Variants in UNC13C observed in about 807,000 individuals in gnomAD.
UNC13C encodes the protein protein unc-13 homolog C.
UNC13C carries 174 observed loss-of-function variants against 245.4 expected under a neutral mutation model. That is an observed-to-expected ratio of 0.71 (90% CI 0.63 to 0.80). The LOEUF is 0.80. Among genes scored for constraint, UNC13C ranks in the 30% least tolerant of loss-of-function variants. The probability of loss-of-function intolerance (pLI) is 0.00; values close to 1 mark genes in which losing one functional copy is unlikely to be tolerated. For missense variants in UNC13C, 2,829 were observed against 2,602.9 expected (o/e 1.09, Z -1.89); for synonymous variants, 992 against 895.1 (o/e 1.11, Z -1.93).
intron 4 of UNC13C, among the ~76,000 whole-genome samples, chr15:54,227,424 G>C (rs1017383562): frequency 2.6e-5 from 4 of 152,132 alleles, no homozygotes; most frequent in African/African-American, 9.7e-5. Flanking sequence ...TGCCATCAAC[G>C]TACCATTCAT....
At chr15:54,482,482 C>T (rs1040574445) in intron 19 of UNC13C, among the ~76,000 whole-genome samples, 5 of 152,098 alleles carry the variant, frequency 3.3e-5, no homozygotes, top group African/African-American at 1.2e-4. Flanking sequence ...GAATTTAAAC[C>T]ACTGGGGATC....
intron 30 of UNC13C, among the ~76,000 whole-genome samples, chr15:54,587,957 T>C (rs1028904786): frequency 6.6e-6 from 1 of 152,252 alleles, no homozygotes; most frequent in African/African-American, 2.4e-5. Flanking sequence ...AAGTTTCAGA[T>C]GAGACTAACA....
intron 10 of UNC13C, among the ~76,000 whole-genome samples, chr15:54,274,468 C>G (rs2036774907): frequency 6.6e-6 from 1 of 151,968 alleles, no homozygotes; most frequent in Admixed American, 6.6e-5. Flanking sequence ...TATCATTTTA[C>G]AAATGAGAAA....
chr15:54,402,276 A>G (rs1009058263), intron 18 of UNC13C, among the ~76,000 whole-genome samples: 1 of 152,158 alleles, frequency 6.6e-6, no homozygotes, highest in Non-Finnish European at 1.5e-5. Flanking sequence ...CATATATATC[A>G]TAGCCATTTT....
chr15:54,562,590 A>G (rs1047816544), intron 29 of UNC13C, among the ~76,000 whole-genome samples: 1 of 152,128 alleles, frequency 6.6e-6, no homozygotes, highest in Admixed American at 6.5e-5. Context: ...TTATTATTGG[A>G]AATTTTTGAT....
intron 7 of UNC13C, among the ~76,000 whole-genome samples, chr15:54,245,334 A>G (rs538447406): frequency 1.3e-5 from 2 of 152,286 alleles, no homozygotes; most frequent in African/African-American, 4.8e-5. Flanking sequence ...CCTTGAATTA[A>G]GGAATCATCT....
chr15:53,951,326 C>CTAA, the UNC13C span, among the ~76,000 whole-genome samples: 1 of 152,170 alleles, frequency 6.6e-6, no homozygotes, highest in African/African-American at 2.4e-5. Flanking sequence ...TCACATCTAT[C>CTAA]TAATGTATAA....
At chr15:54,408,686 C>T (rs529461039) in intron 18 of UNC13C, among the ~76,000 whole-genome samples, 2 of 152,226 alleles carry the variant, frequency 1.3e-5, no homozygotes, top group Admixed American at 6.5e-5. Context: ...AAAAGCGTGA[C>T]TCCCCAACCT....
intron 2 of UNC13C, among the ~76,000 whole-genome samples, chr15:54,043,948 A>G (rs1008993498): frequency 2.6e-5 from 4 of 152,190 alleles, no homozygotes; most frequent in African/African-American, 9.7e-5. Context: ...TATAAAATCC[A>G]CCCTTTTAAA....
downstream of UNC13C, chr15:54,630,526 C>CTT (rs1193896182): frequency 1.3e-5 from 2 of 152,142 alleles, no homozygotes; most frequent in Admixed American, 1.3e-4. Flanking sequence ...AATGATCATA[C>CTT]TTATACATGA....
chr15:54,463,793 G>A (rs1234689110), intron 19 of UNC13C, among the ~76,000 whole-genome samples: 1 of 152,124 alleles, frequency 6.6e-6, no homozygotes, highest in Non-Finnish European at 1.5e-5. Context: ...CAAGAAGTAG[G>A]ATGCTCGTCA....
chr15:53,857,876 G>A, the UNC13C span, among the ~76,000 whole-genome samples: 1 of 152,168 alleles, frequency 6.6e-6, no homozygotes, highest in Non-Finnish European at 1.5e-5. Flanking sequence ...CTGATGTTAA[G>A]ATTTTCTTCA....
chr15:54,074,034 CCATCTTGAGTTA>C (rs1898464809), intron 2 of UNC13C, among the ~76,000 whole-genome samples: 1 of 152,102 alleles, frequency 6.6e-6, no homozygotes. Context: ...AGTCTTCAAT[CCATCTTGAGTTA>C]ATTTTTGTAT....
At position 54,570,052 on chromosome 15, in the gene UNC13C, T is replaced by C. The variant is rs371737680; in HGVS notation, c.6106+2105T>C. Among the ~76,000 whole-genome samples the C allele has an allele frequency of 4.3e-4, 66 of 152,172 alleles. 4 individuals carry two copies. In the South Asian group the frequency reaches 0.012, roughly 29 times the overall value. The stretch of plus-strand genomic sequence containing the variant: ...CAGGTCCCTCTATTCCTCAGTGTTT[T>C]GGGGAATGGAAACTAAAGGGGAAGA... On this transcript the variant is annotated intron_variant, in intron 30 of 32. Coordinates refer to ENST00000260323, the MANE Select transcript of UNC13C (RefSeq NM_001080534.3).
intron 2 of UNC13C, among the ~76,000 whole-genome samples, chr15:54,102,064 G>A (rs570922741): frequency 6.7e-6 from 1 of 149,496 alleles, no homozygotes; most frequent in East Asian, 2.0e-4. Context: ...CCTGTGTGAA[G>A]TATCTAAGAC....
intron 26 of UNC13C, among the ~76,000 whole-genome samples, chr15:54,545,462 C>T (rs975945473): frequency 3.9e-5 from 6 of 152,082 alleles, no homozygotes; most frequent in African/African-American, 1.4e-4. Flanking sequence ...TCTAATTAAA[C>T]TAAAGAGCTT....
At chr15:54,011,829 T>C (rs949902953) in intron 1 of UNC13C, among the ~76,000 whole-genome samples, 2 of 152,316 alleles carry the variant, frequency 1.3e-5, no homozygotes, top group East Asian at 3.9e-4. Context: ...CAGAGCCTGA[T>C]TGAAATGCAA....
chr15:54,278,338 A>T (rs933832055), intron 10 of UNC13C, among the ~76,000 whole-genome samples: 13 of 152,092 alleles, frequency 8.5e-5, no homozygotes, highest in Non-Finnish European at 1.6e-4. Flanking sequence ...TCAGGTTAAT[A>T]TTCTCATGTG....
rs1447111366 is a variant in UNC13C, at chr15:53,978,519, TTGA to T, written c.-661_-659del. Among the ~76,000 whole-genome samples the T allele has an allele frequency of 1.3e-5, 2 of 152,078 alleles. No individual in the cohort carries two copies. Among genetic ancestry groups the T allele is most frequent in the Non-Finnish European group, 2.9e-5 (2 of 68,000 alleles). On this transcript the variant is annotated 5_prime_UTR_variant, in exon 1 of 33. The change abolishes an upstream ATG in the 5' untranslated region. Coordinates refer to ENST00000260323, the MANE Select transcript of UNC13C (RefSeq NM_001080534.3). ...CCCGGCTGCTCCTCACCCTCAAATG[TTGA>T]TGAGCCTGGGCGCTCCTCAACACAC... is the stretch of plus-strand genomic sequence containing the variant.
Sources: allele counts gnomAD v4.1 joint callset (sites outside exome capture counted in the v4.1 genomes callset), GRCh38; gene constraint gnomAD v4.1.1; transcripts MANE v1.5; gene names NCBI Gene and HGNC (gene_info 2026-07-23, HGNC 2026-07-21).